The following AMY2B variants were observed in gnomAD, a reference collection of about 807,000 sequenced individuals.
AMY2B encodes the protein alpha-amylase 2B.
In AMY2B, 63 loss-of-function variants were observed where a neutral mutation model predicts 59.3. The ratio of observed to expected loss-of-function variants is 1.06; its 90% CI spans 0.87 to 1.31. The LOEUF (loss-of-function observed/expected upper bound fraction) is 1.31. AMY2B is among the 50% of genes most tolerant of loss of function. AMY2B has a pLI of 0.00. For synonymous variants in AMY2B, 180 were observed against 198.1 expected (o/e 0.91, Z 0.77); for missense variants, 635 against 626.7 (o/e 1.01, Z -0.14).
chr1:103,570,617 T>C, upstream of AMY2B: 1 of 586,068 alleles, frequency 1.7e-6, no homozygotes, highest in South Asian at 1.5e-5. Context: ...AGATGTGGAT[T>C]AGCAAGCAAT....
upstream of AMY2B, chr1:103,570,440 G>A (rs1339010298): frequency 9.8e-6 from 8 of 813,280 alleles, no homozygotes; most frequent in South Asian, 5.2e-5. Context: ...AGGCCAACAC[G>A]GTGCTATCTG....
Position 103,573,276 on chromosome 1 carries a change from A to G in AMY2B, c.513+16A>G. ...TGCTACTCAGGTAAATTTTTTTATG[A>G]GAGTCATCTGAATAAGGGGTGATAT... On this transcript the variant is annotated intron_variant, in intron 3 of 9. Coordinates refer to ENST00000684275, the MANE Select transcript of AMY2B (RefSeq NM_001387437.1). 6.2e-7 allele frequency: 1 copy of G among 1,613,514 alleles called. No homozygotes were observed. Among genetic ancestry groups the G allele is most frequent in the Non-Finnish European group, 8.5e-7 (1 of 1,179,538 alleles).
chr1:103,577,014 C>A (rs527357206), intron 7 of AMY2B, among the ~76,000 whole-genome samples: 1 of 152,158 alleles, frequency 6.6e-6, no homozygotes, highest in Non-Finnish European at 1.5e-5. Flanking sequence ...GCGAGAAGAT[C>A]AGCTGACCTG....
At chr1:103,564,797 C>A (rs1372299476) in intron 1 of AMY2B, among the ~76,000 whole-genome samples, 1 of 152,044 alleles carries the variant, frequency 6.6e-6, no homozygotes, top group African/African-American at 2.4e-5. Flanking sequence ...TTCTTCATAT[C>A]TTTTTTTAAT....
At chr1:103,577,100 C>A (rs550406489) in intron 7 of AMY2B, among the ~76,000 whole-genome samples, 1 of 151,992 alleles carries the variant, frequency 6.6e-6, no homozygotes, top group Non-Finnish European at 1.5e-5. Context: ...TAGCTGGTTG[C>A]GGTGGTGCAC....
chr1:103,573,895 G>C lies in AMY2B; in HGVS notation c.701G>C (p.Ser234Thr), dbSNP rs1325976907. Reference sequence around the variant, plus strand: ...TTGGACAAACTGCATAATCTAAACAGTAACTGGTTCCCTGCAGGAAGTAAA... The same window carrying C: ...TTGGACAAACTGCATAATCTAAACACTAACTGGTTCCCTGCAGGAAGTAAA... The part of the protein sequence containing the change: ...AILDKLHNLN[S>T]NWFPAGSKPF... Residue 234 changes from serine to threonine, a missense_variant, in exon 4 of 10, where the codon AGT becomes ACT. Coordinates refer to ENST00000684275, the MANE Select transcript of AMY2B (RefSeq NM_001387437.1). The C allele has an allele frequency of 1.1e-5, 17 of 1,613,828 alleles. No individual in the cohort carries two copies. The highest frequency in any genetic ancestry group is 1.4e-5 in the Non-Finnish European group (17 of 1,179,766).
chr1:103,567,630 ATCC>A (rs1336884502), upstream of AMY2B, among the ~76,000 whole-genome samples: 1 of 152,018 alleles, frequency 6.6e-6, no homozygotes, highest in Admixed American at 6.6e-5. Context: ...TTCCACTCTT[ATCC>A]TCCTATAATC....
intron 4 of AMY2B, 74 bp downstream of exon 4, chr1:103,574,012 G>A (rs1652245589): frequency 3.7e-6 from 6 of 1,609,492 alleles, no homozygotes; most frequent in African/African-American, 2.7e-5. Flanking sequence ...AATTAAAAAT[G>A]CAATTTCTAT....
At position 103,577,475 on chromosome 1, in the gene AMY2B, C is replaced by T. The variant is rs2316139; in HGVS notation, c.1102-15C>T. On this transcript the variant is annotated splice_polypyrimidine_tract_variant and intron_variant, in intron 7 of 9. Coordinates refer to ENST00000684275, the MANE Select transcript of AMY2B (RefSeq NM_001387437.1). ...ATATGTATGTTAAAATTTGGCTTTT[C>T]ACCCCCTAATTAAGGATGTTAATGA... 1.2e-6 allele frequency: 2 copies of T among 1,611,798 alleles called. No individual in the cohort carries two copies. The highest frequency in any genetic ancestry group is 1.7e-6 in the Non-Finnish European group (2 of 1,179,758).
At chr1:103,569,104 CAT>C (rs1244227683), upstream of AMY2B, 4 of 152,060 alleles carry the variant, frequency 2.6e-5, no homozygotes, top group African/African-American at 9.7e-5. Flanking sequence ...ATCATGAAAA[CAT>C]CTGTATGGGA....
upstream of AMY2B, chr1:103,570,753 A>C (rs1652096256): frequency 2.0e-6 from 1 of 497,446 alleles, no homozygotes; most frequent in African/African-American, 2.0e-5. Context: ...AAATGCATAC[A>C]CCTCATGCTA....
intron 1 of AMY2B, among the ~76,000 whole-genome samples, chr1:103,557,008 C>A (rs548805385): frequency 2.6e-5 from 4 of 152,014 alleles, no homozygotes; most frequent in Admixed American, 2.0e-4. Context: ...CTAAGAGATA[C>A]AACTGATGAT....
At chr1:103,573,682 CA>C in intron 3 of AMY2B, 25 bp from the exon 4 acceptor site, 1 of 1,612,272 alleles carries the variant, frequency 6.2e-7, no homozygotes. Flanking sequence ...TTTTATGAAT[CA>C]ATCATAACAT....
intron 7 of AMY2B, chr1:103,575,748 A>C: frequency 1.4e-6 from 1 of 730,408 alleles, no homozygotes; most frequent in South Asian, 2.4e-5. Context: ...CTTTTCAGAC[A>C]TATGATAAAC....
chr1:103,574,612 G>C (rs1356458405), intron 5 of AMY2B, among the ~76,000 whole-genome samples: 1 of 152,000 alleles, frequency 6.6e-6, no homozygotes, highest in Non-Finnish European at 1.5e-5. Context: ...CATATCCTAG[G>C]AGTTTCCGTC....
upstream of AMY2B, chr1:103,570,143 A>G: frequency 2.2e-6 from 1 of 451,006 alleles, no homozygotes; most frequent in Non-Finnish European, 4.4e-6. Context: ...AAGGTTGGCT[A>G]TAGCTTCAGC....
chr1:103,556,364 A>C (rs1651550800), intron 1 of AMY2B, among the ~76,000 whole-genome samples: 1 of 152,180 alleles, frequency 6.6e-6, no homozygotes, highest in Non-Finnish European at 1.5e-5. Context: ...AAGATAATAA[A>C]AGAGAGATAT....
rs1245010617 is a variant in AMY2B, at chr1:103,573,073, A to T, written c.326A>T (p.Tyr109Phe). Residue 109 changes from tyrosine to phenylalanine, a missense_variant, in exon 3 of 10, where the codon TAT (tyrosine) becomes TTT (phenylalanine). Physicochemically the swap from Tyr to Phe is conservative, Grantham distance 22 (BLOSUM62 3). Transcript: ENST00000684275. Reference protein sequence around the residue: ...TRCNNVGVRIYVDAVINHMSG... With the variant: ...TRCNNVGVRIFVDAVINHMSG... ...AACTTTGCTTTCTAGGTTCGTATTTATGTGGATGCTGTAATTAATCATATG... is the reference window on the plus strand; with the variant it reads ...AACTTTGCTTTCTAGGTTCGTATTTTTGTGGATGCTGTAATTAATCATATG... 1.2e-6 allele frequency: 2 copies of T among 1,613,536 alleles called. No homozygotes were observed. Among genetic ancestry groups the T allele is most frequent in the Non-Finnish European group, 1.7e-6 (2 of 1,179,670 alleles).
chr1:103,573,293 G>A, intron 3 of AMY2B, 33 bp downstream of exon 3: 1 of 1,613,048 alleles, frequency 6.2e-7, no homozygotes, highest in South Asian at 1.1e-5. Context: ...TCTGAATAAG[G>A]GGTGATATAT....
Sources: gnomAD v4.1 joint callset for allele counts (sites outside exome capture counted in the v4.1 genomes callset) on GRCh38, gnomAD v4.1.1 for gene constraint, MANE v1.5 for transcripts, NCBI Gene and HGNC (gene_info 2026-07-23, HGNC 2026-07-21) for gene names.